The following MET variants were observed in gnomAD, a reference collection of about 807,000 sequenced individuals.
The protein encoded by MET is hepatocyte growth factor receptor.
MET carries 48 observed loss-of-function variants against 133.1 expected under a neutral mutation model. The ratio of observed to expected loss-of-function variants is 0.36; its 90% CI spans 0.29 to 0.46. MET has a LOEUF of 0.46. Among genes scored for constraint, MET ranks in the 20% least tolerant of loss-of-function variants. The probability of loss-of-function intolerance (pLI) is 1.00; values close to 1 mark genes in which losing one functional copy is unlikely to be tolerated. For synonymous variants in MET, 628 were observed against 616.5 expected (o/e 1.02, Z -0.28); for missense variants, 1,442 against 1,695.9 (o/e 0.85, Z 2.63).
intron 3 of MET, among the ~76,000 whole-genome samples, chr7:116,735,690 T>G (rs1793184118): frequency 6.6e-6 from 1 of 152,208 alleles, no homozygotes; most frequent in African/African-American, 2.4e-5. Flanking sequence ...CCCATCTCTT[T>G]TATAAAATAA....
At chr7:116,780,695 G>A (rs1455867541) in intron 17 of MET, among the ~76,000 whole-genome samples, 1 of 152,172 alleles carries the variant, frequency 6.6e-6, no homozygotes, top group Admixed American at 6.5e-5. Flanking sequence ...CCAGGAACTG[G>A]CCTTTCTCTA....
intron 1 of MET, among the ~76,000 whole-genome samples, chr7:116,674,542 T>A (rs60600263): frequency 0.19 from 28,719 of 152,174 alleles, 4,152 homozygotes; most frequent in African/African-American, 0.4. Context: ...CTTCTGCAGA[T>A]CTACATAATA....
intron 3 of MET, among the ~76,000 whole-genome samples, chr7:116,735,596 G>A (rs753000586): frequency 2.0e-5 from 3 of 152,054 alleles, no homozygotes; most frequent in Admixed American, 6.6e-5. Flanking sequence ...TCCCCAATTC[G>A]TCAATGTTGT....
chr7:116,746,528 C>A (rs2116866539), intron 5 of MET, among the ~76,000 whole-genome samples: 1 of 152,296 alleles, frequency 6.6e-6, no homozygotes, highest in East Asian at 1.9e-4. Flanking sequence ...TTGGAACCAA[C>A]CCAAATGTCC....
chr7:116,742,827 C>A (rs935574055), intron 5 of MET, among the ~76,000 whole-genome samples: 1 of 152,214 alleles, frequency 6.6e-6, no homozygotes, highest in Non-Finnish European at 1.5e-5. Context: ...GAAGGCAGGG[C>A]AGCTGAGTCC....
chr7:116,787,949 T>TA (rs969022420), intron 19 of MET, among the ~76,000 whole-genome samples: 19 of 148,060 alleles, frequency 1.3e-4, no homozygotes, highest in East Asian at 1.2e-3. Context: ...GGTGAATGGA[T>TA]AAAAAAAAAA....
chr7:116,790,647 C>A (rs75217062), intron 19 of MET, among the ~76,000 whole-genome samples: 12,601 of 152,082 alleles, frequency 0.083, 1,010 homozygotes, highest in East Asian at 0.39. Flanking sequence ...ATTGCTGGAT[C>A]ATATGGTAAT....
rs2116581997 is a variant in MET at position 116,699,251 on chromosome 7, T to C, written c.167T>C (p.Ile56Thr). 1 of 1,614,010 alleles carries C rather than the reference T, an allele frequency of 6.2e-7. No individual in the cohort carries two copies. Among genetic ancestry groups the C allele is most frequent in the Non-Finnish European group, 8.5e-7 (1 of 1,179,944 alleles). Residue 56 changes from isoleucine (I) to threonine (T), a missense_variant, in exon 2 of 21, where the codon ATT becomes ACT. Transcript: ENST00000397752. ...FTAETPIQNVILHEHHIFLGA... is the reference protein window; with the variant it reads ...FTAETPIQNVTLHEHHIFLGA... Reference sequence around the variant, plus strand: ...GCGGAAACACCCATCCAGAATGTCATTCTACATGAGCATCACATTTTCCTT... The same window carrying C: ...GCGGAAACACCCATCCAGAATGTCACTCTACATGAGCATCACATTTTCCTT...
intron 15 of MET, among the ~76,000 whole-genome samples, chr7:116,776,087 A>G (rs1484861329): frequency 1.3e-5 from 2 of 152,114 alleles, no homozygotes; most frequent in African/African-American, 4.8e-5. Context: ...TTTTCTAAAA[A>G]GCTTTTACCC....
At chr7:116,740,108 T>C (rs1276564264) in intron 4 of MET, 24 bp downstream of exon 4, 1 of 1,613,796 alleles carries the variant, frequency 6.2e-7, no homozygotes, top group Non-Finnish European at 8.5e-7. Flanking sequence ...ACAGGGAATT[T>C]CCATAGACGT....
chr7:116,755,282 T>C lies in MET; in HGVS notation c.1702-73T>C, dbSNP rs1794134702. On this transcript the variant is annotated intron_variant, in intron 5 of 20. Coordinates refer to ENST00000397752, the MANE Select transcript of MET (RefSeq NM_000245.4). Reference sequence around the variant, plus strand: ...GACTATTTAAGGATATACATTTTGTTTGTTCGTTTTCCATATATGTGAAAA... The same window carrying C: ...GACTATTTAAGGATATACATTTTGTCTGTTCGTTTTCCATATATGTGAAAA... The C allele has an allele frequency of 1.5e-5, 22 of 1,505,438 alleles. 1 individual carries two copies. In the South Asian group the frequency reaches 2.6e-4, roughly 18 times the overall value. 93.3% of individuals were successfully genotyped at this position (1,505,438 alleles called of 1,614,324 possible).
chr7:116,695,443 A>G (rs902341182), intron 1 of MET, among the ~76,000 whole-genome samples: 18 of 152,224 alleles, frequency 1.2e-4, no homozygotes, highest in Admixed American at 9.2e-4. Context: ...TTCAGAGATG[A>G]GATCTCTTTT....
At chr7:116,737,436 G>T (rs988326618) in intron 3 of MET, among the ~76,000 whole-genome samples, 1 of 152,198 alleles carries the variant, frequency 6.6e-6, no homozygotes, top group Admixed American at 6.5e-5. Context: ...GGAGCTCAGA[G>T]TTGAAGCTTT....
In MET at chr7:116,699,822, C is replaced by A. The variant is rs1461455526; in HGVS notation, c.738C>A (p.Pro246=). ...DVLPEFRDSY[P]IKYVHAFESN... is the part of the protein sequence containing the mutation. The stretch of plus-strand genomic sequence containing the variant: ...TACCTGAGTTCAGAGATTCTTACCC[C>A]ATTAAGTATGTCCATGCCTTTGAAA... Residue 246 remains proline (P), a synonymous_variant, in exon 2 of 21, where the codon CCC becomes CCA. Coordinates refer to ENST00000397752, the MANE Select transcript of MET (RefSeq NM_000245.4). 1 of 1,614,118 alleles carries A rather than the reference C, an allele frequency of 6.2e-7. No homozygotes were observed. The highest frequency in any genetic ancestry group is 8.5e-7 in the Non-Finnish European group (1 of 1,179,976).
intron 19 of MET, among the ~76,000 whole-genome samples, chr7:116,795,168 T>C (rs1294553706): frequency 6.6e-6 from 1 of 152,228 alleles, no homozygotes; most frequent in Non-Finnish European, 1.5e-5. Flanking sequence ...TTTTTACTTA[T>C]GTTGATTTAG....
intron 2 of MET, among the ~76,000 whole-genome samples, chr7:116,731,426 G>A (rs905574715): frequency 9.9e-5 from 15 of 152,114 alleles, no homozygotes; most frequent in African/African-American, 2.4e-4. Flanking sequence ...ATTTTTAGGC[G>A]TGCACATATT....
rs2117110716 is a variant in MET, at chr7:116,795,910, G to T, written c.3959G>T (p.Trp1320Leu). Residue 1320 changes from tryptophan (W) to leucine (L), a missense_variant, in exon 21 of 21, where the codon TGG becomes TTG. By Grantham distance (61) the Trp-to-Leu change is moderately conservative. Coordinates refer to ENST00000397752, the MANE Select transcript of MET (RefSeq NM_000245.4). ...DPLYEVMLKCWHPKAEMRPSF... is the reference protein window; with the variant it reads ...DPLYEVMLKCLHPKAEMRPSF... ...AGATATGAAGTAATGCTAAAATGCTGGCACCCTAAAGCCGAAATGCGCCCA... is the reference window on the plus strand; with the variant it reads ...AGATATGAAGTAATGCTAAAATGCTTGCACCCTAAAGCCGAAATGCGCCCA... The T allele has an allele frequency of 6.2e-7, 1 of 1,614,126 alleles. No individual in the cohort carries two copies. The highest frequency in any genetic ancestry group is 8.5e-7 in the Non-Finnish European group (1 of 1,180,022).
intron 1 of MET, among the ~76,000 whole-genome samples, chr7:116,673,463 T>G (rs1481045075): frequency 6.6e-6 from 1 of 152,202 alleles, no homozygotes; most frequent in Non-Finnish European, 1.5e-5. Flanking sequence ...AGATGGTCCA[T>G]GAATGTGAGA....
chr7:116,686,896 G>A (rs1178118813), intron 1 of MET, among the ~76,000 whole-genome samples: 2 of 152,166 alleles, frequency 1.3e-5, no homozygotes, highest in African/African-American at 4.8e-5. Flanking sequence ...CACCTGAGCA[G>A]CTCCAACTTA....
Sources: allele counts gnomAD v4.1 joint callset (sites outside exome capture counted in the v4.1 genomes callset), GRCh38; gene constraint gnomAD v4.1.1; transcripts MANE v1.5; gene names NCBI Gene and HGNC (gene_info 2026-07-23, HGNC 2026-07-21).